Variants in TRIM61 observed in about 807,000 individuals in gnomAD.
TRIM61 encodes tripartite motif containing 61, also known as putative tripartite motif-containing protein 61.
TRIM61 carries 1 observed loss-of-function variant against 14.2 expected under a neutral mutation model. The ratio of observed to expected loss-of-function variants is 0.07; its 90% CI spans 0.03 to 0.33. The LOEUF (loss-of-function observed/expected upper bound fraction) is 0.33, where lower values mean the gene tolerates loss of function less well. TRIM61 is among the 10% of genes least tolerant of loss of function. The pLI, the probability that TRIM61 is intolerant of heterozygous loss-of-function variation, is 0.99. For missense variants in TRIM61, 19 were observed against 202.2 expected (o/e 0.09, Z 5.49); for synonymous variants, 8 against 71.6 (o/e 0.11, Z 4.49).
Position 164,968,241 on chromosome 4 carries a change from TAAAG to T in TRIM61, c.525+1233_525+1236del, listed in dbSNP as rs1247749454. 5.1e-6 allele frequency: 5 copies of T among 979,200 alleles called. No homozygotes were observed. In the Admixed American group the frequency reaches 1.9e-4, roughly 36 times the overall value. 60.7% of individuals were successfully genotyped at this position (979,200 alleles called of 1,614,324 possible). The stretch of plus-strand genomic sequence containing the variant: ...CAAGAGTAATGATGAATGCCTTTAA[TAAAG>T]ACTTAATCTTTCTTAAAGGAAAAGT... On this transcript the variant is annotated intron_variant, in intron 3 of 4. Transcript: ENST00000329314.
intron 3 of TRIM61, among the ~76,000 whole-genome samples, chr4:164,962,306 C>T (rs1395089293): frequency 6.6e-5 from 10 of 151,058 alleles, no homozygotes; most frequent in African/African-American, 2.4e-4. Flanking sequence ...CTGCAAGCTC[C>T]GCCTCCCGGG....
chr4:164,960,414 G>A (rs928772914), intron 3 of TRIM61, among the ~76,000 whole-genome samples: 1 of 151,952 alleles, frequency 6.6e-6, no homozygotes, highest in East Asian at 1.9e-4. Context: ...AAATAGGTAG[G>A]CATGGTGGCA....
In TRIM61 at chr4:164,970,345, A is replaced by T. The variant is rs1732334706; in HGVS notation, c.-337-6T>A. 1 of 251,146 alleles carries T rather than the reference A, an allele frequency of 4.0e-6. No individual in the cohort carries two copies. Among genetic ancestry groups the T allele is most frequent in the African/African-American group, 2.3e-5 (1 of 44,216 alleles). 15.6% of individuals were successfully genotyped at this position (251,146 alleles called of 1,614,324 possible). Reference sequence around the variant, plus strand: ...TCCAAGATAGGGAATCCTTCCTATGAGTAAGAAAAGACACCACGTTAAAAT... The same window carrying T: ...TCCAAGATAGGGAATCCTTCCTATGTGTAAGAAAAGACACCACGTTAAAAT... On this transcript the variant is annotated splice_region_variant and splice_polypyrimidine_tract_variant and intron_variant, in intron 2 of 4. Transcript: ENST00000329314.
chr4:164,956,090 A>C (rs184902736), intron 3 of TRIM61, among the ~76,000 whole-genome samples: 2 of 152,304 alleles, frequency 1.3e-5, no homozygotes, highest in Admixed American at 6.5e-5. Context: ...TTTTGAGACA[A>C]GCTCTCGTTC....
intron 3 of TRIM61, among the ~76,000 whole-genome samples, chr4:164,956,153 C>T (rs1431913664): frequency 6.6e-6 from 1 of 152,234 alleles, no homozygotes; most frequent in African/African-American, 2.4e-5. Context: ...GCAACCTCAA[C>T]TCCCCAGGTT....
chr4:164,968,336 T>C (rs887023065), intron 3 of TRIM61: 16 of 965,798 alleles, frequency 1.7e-5, no homozygotes, highest in Non-Finnish European at 1.7e-5. Flanking sequence ...TAGATTTTCT[T>C]ACATAATACA....
chr4:164,968,446 AT>A (rs1732288451), intron 3 of TRIM61: 7 of 985,124 alleles, frequency 7.1e-6, no homozygotes, highest in Non-Finnish European at 8.4e-6. Context: ...CCATAATCAC[AT>A]TTTTTGGAAG....
intron 2 of TRIM61, among the ~76,000 whole-genome samples, chr4:164,970,553 T>C (rs1156614370): frequency 6.6e-6 from 1 of 152,058 alleles, no homozygotes; most frequent in East Asian, 1.9e-4. Flanking sequence ...GATAGGATGC[T>C]ATGGCAAGTA....
intron 2 of TRIM61, among the ~76,000 whole-genome samples, chr4:164,973,490 G>C (rs1364005365): frequency 6.6e-6 from 1 of 152,126 alleles, no homozygotes; most frequent in African/African-American, 2.4e-5. Context: ...TGGGCTTACT[G>C]ATCCAACACT....
At chr4:164,971,174 C>G (rs893651166) in intron 2 of TRIM61, among the ~76,000 whole-genome samples, 2 of 152,094 alleles carry the variant, frequency 1.3e-5, no homozygotes, top group African/African-American at 4.8e-5. Flanking sequence ...AATGTTGTAC[C>G]AGTTAAATTG....
chr4:164,961,035 A>G (rs1241899505), intron 3 of TRIM61, among the ~76,000 whole-genome samples: 1 of 151,848 alleles, frequency 6.6e-6, no homozygotes, highest in Admixed American at 6.6e-5. Context: ...GAAACAAAAA[A>G]CAAAAATCAA....
intron 2 of TRIM61, among the ~76,000 whole-genome samples, chr4:164,974,404 A>G (rs189212013): frequency 4.4e-4 from 67 of 152,328 alleles, no homozygotes; most frequent in African/African-American, 1.5e-3. Flanking sequence ...TAACACAATT[A>G]ACTTCAGATA....
At chr4:164,971,611 A>G (rs1020552615) in intron 2 of TRIM61, among the ~76,000 whole-genome samples, 8 of 151,900 alleles carry the variant, frequency 5.3e-5, no homozygotes, top group Admixed American at 4.6e-4. Flanking sequence ...AAAAAAGTGT[A>G]AATAGAGAAA....
chr4:164,967,081 A>G (rs1579146554), intron 3 of TRIM61, among the ~76,000 whole-genome samples: 2 of 152,228 alleles, frequency 1.3e-5, no homozygotes, highest in East Asian at 1.9e-4. Context: ...GCTATAGGCA[A>G]TAAGATTAAT....
At chr4:164,971,833 C>T (rs949942846) in intron 2 of TRIM61, among the ~76,000 whole-genome samples, 6 of 152,118 alleles carry the variant, frequency 3.9e-5, no homozygotes, top group African/African-American at 9.7e-5. Flanking sequence ...ACCATCAATA[C>T]AGTATTTTTT....
chr4:164,961,219 T>C (rs937896085), intron 3 of TRIM61, among the ~76,000 whole-genome samples: 1 of 113,346 alleles, frequency 8.8e-6, no homozygotes, highest in East Asian at 2.6e-4. Flanking sequence ...ATAATTGATA[T>C]GTTAAAGGCT....
intron 3 of TRIM61, chr4:164,957,723 T>TA: frequency 1.8e-6 from 1 of 553,814 alleles, no homozygotes; most frequent in Non-Finnish European, 3.2e-6. Flanking sequence ...AACCTGAAAA[T>TA]ATAAAGAATA....
At position 164,968,259 on chromosome 4, in the gene TRIM61, TAAAGGA is replaced by T. The variant is rs1732283025; in HGVS notation, c.525+1213_525+1218del. On this transcript the variant is annotated intron_variant, in intron 3 of 4. Transcript: ENST00000329314. ...CCTTTAATAAAGACTTAATCTTTCT[TAAAGGA>T]AAAGTATATAAGAAATACAGAAAAA... 3.1e-6 allele frequency: 3 copies of T among 972,902 alleles called. No homozygotes were observed. The highest frequency in any genetic ancestry group is 4.8e-5 in the South Asian group (1 of 20,946). The allele number at this position is 972,902 out of a possible 1,614,324, so 60.3% of individuals were successfully genotyped here.
chr4:164,962,852 T>C (rs1732166965), intron 3 of TRIM61, among the ~76,000 whole-genome samples: 2 of 152,160 alleles, frequency 1.3e-5, no homozygotes, highest in African/African-American at 4.8e-5. Context: ...TTCCAGCATA[T>C]GTAAAAGTAG....
Sources: allele counts gnomAD v4.1 joint callset (sites outside exome capture counted in the v4.1 genomes callset), GRCh38; gene constraint gnomAD v4.1.1; transcripts MANE v1.5; gene names NCBI Gene and HGNC (gene_info 2026-07-23, HGNC 2026-07-21).